The following LRFN5 variants were observed in gnomAD, a reference collection of about 807,000 sequenced individuals.
LRFN5 encodes the protein leucine rich repeat and fibronectin type III domain containing 5.
A neutral mutation model predicts 45.6 loss-of-function variants in LRFN5; 24 were observed. The ratio of observed to expected loss-of-function variants is 0.53; its 90% CI spans 0.38 to 0.74. LRFN5 has a LOEUF of 0.74. Ranked by LOEUF, LRFN5 falls within the 30% of genes least tolerant of loss-of-function variation. The probability of loss-of-function intolerance (pLI) is 0.00; values close to 1 mark genes in which losing one functional copy is unlikely to be tolerated. For synonymous variants in LRFN5, 340 were observed against 313.8 expected (o/e 1.08, Z -0.88); for missense variants, 776 against 861.5 (o/e 0.90, Z 1.24).
At chr14:41,665,146 A>G (rs971709809) in intron 1 of LRFN5, among the ~76,000 whole-genome samples, 14 of 150,774 alleles carry the variant, frequency 9.3e-5, no homozygotes, top group African/African-American at 3.2e-4. Flanking sequence ...TTGTTTTTAG[A>G]AAAAAAAATG....
At chr14:41,737,160 A>G (rs1434232541) in intron 1 of LRFN5, among the ~76,000 whole-genome samples, 1 of 152,172 alleles carries the variant, frequency 6.6e-6, no homozygotes, top group Non-Finnish European at 1.5e-5. Flanking sequence ...ACCACGATCA[A>G]GTTGGCTTTA....
At chr14:41,787,499 C>A (rs1445750552) in intron 2 of LRFN5, among the ~76,000 whole-genome samples, 1 of 130,462 alleles carries the variant, frequency 7.7e-6, no homozygotes. Flanking sequence ...AAATATATAG[C>A]ACTTTTTTTG....
intron 1 of LRFN5, among the ~76,000 whole-genome samples, chr14:41,766,353 T>C (rs1885883245): frequency 6.6e-6 from 1 of 152,172 alleles, no homozygotes; most frequent in Non-Finnish European, 1.5e-5. Context: ...ATTTCTTTCA[T>C]AGACATATAG....
chr14:41,825,745 TGG>T (rs1386275716), intron 2 of LRFN5, among the ~76,000 whole-genome samples: 3 of 152,056 alleles, frequency 2.0e-5, no homozygotes, highest in Non-Finnish European at 4.4e-5. Context: ...AGCCTTGGTT[TGG>T]GGGGAGGGTG....
At chr14:41,752,585 T>A (rs1885184107) in intron 1 of LRFN5, among the ~76,000 whole-genome samples, 1 of 152,246 alleles carries the variant, frequency 6.6e-6, no homozygotes, top group Non-Finnish European at 1.5e-5. Flanking sequence ...TCTGTTCATA[T>A]CCTTTGCCCA....
chr14:41,615,154 T>C (rs1386834260), intron 1 of LRFN5, among the ~76,000 whole-genome samples: 3 of 152,144 alleles, frequency 2.0e-5, no homozygotes, highest in Non-Finnish European at 4.4e-5. Context: ...TAAATTTTTT[T>C]TAAAGCATCT....
chr14:41,842,011 A>T (rs1220029150), intron 2 of LRFN5, among the ~76,000 whole-genome samples: 1 of 151,938 alleles, frequency 6.6e-6, no homozygotes. Context: ...CTGTGTAAAT[A>T]TGTGCTATAG....
intron 1 of LRFN5, among the ~76,000 whole-genome samples, chr14:41,655,013 T>A (rs1256517624): frequency 6.6e-6 from 1 of 152,092 alleles, no homozygotes; most frequent in African/African-American, 2.4e-5. Context: ...TGCCTGTGTC[T>A]CTTCATCTCT....
intron 2 of LRFN5, among the ~76,000 whole-genome samples, chr14:41,841,107 G>A (rs1223714007): frequency 6.6e-6 from 1 of 151,430 alleles, no homozygotes; most frequent in African/African-American, 2.4e-5. Context: ...TTCTACAATA[G>A]CAATCATTTA....
intron 1 of LRFN5, among the ~76,000 whole-genome samples, chr14:41,731,112 TA>T (rs1176184724): frequency 6.6e-6 from 1 of 152,060 alleles, no homozygotes; most frequent in Non-Finnish European, 1.5e-5. Flanking sequence ...ACAACAACAA[TA>T]AAAAAGTGTG....
At chr14:41,661,652 A>G (rs967658734) in intron 1 of LRFN5, among the ~76,000 whole-genome samples, 1 of 152,062 alleles carries the variant, frequency 6.6e-6, no homozygotes, top group Non-Finnish European at 1.5e-5. Flanking sequence ...AAGAAAATCA[A>G]TCACTTATCG....
chr14:41,730,593 A>T (rs924460047), intron 1 of LRFN5, among the ~76,000 whole-genome samples: 2 of 151,928 alleles, frequency 1.3e-5, no homozygotes, highest in Non-Finnish European at 2.9e-5. Context: ...GGCATAGATA[A>T]TATCAGTTTT....
At chr14:41,622,654 A>G (rs1389808591) in intron 1 of LRFN5, among the ~76,000 whole-genome samples, 1 of 152,128 alleles carries the variant, frequency 6.6e-6, no homozygotes, top group Non-Finnish European at 1.5e-5. Context: ...AATGAAATAA[A>G]ATATAGTAAA....
chr14:41,886,001 A>G (rs1031794026), intron 2 of LRFN5, among the ~76,000 whole-genome samples: 2 of 146,376 alleles, frequency 1.4e-5, no homozygotes, highest in East Asian at 4.0e-4. Context: ...AGCCTGGGCA[A>G]CAAAGCAAGG....
At chr14:41,617,936 G>A (rs1887979506) in intron 1 of LRFN5, among the ~76,000 whole-genome samples, 2 of 152,082 alleles carry the variant, frequency 1.3e-5, no homozygotes, top group South Asian at 4.1e-4. Context: ...GTCTCATCAT[G>A]TTCTACCTTC....
At chr14:41,834,031 C>T (rs911779284) in intron 2 of LRFN5, among the ~76,000 whole-genome samples, 4 of 152,104 alleles carry the variant, frequency 2.6e-5, no homozygotes, top group Non-Finnish European at 5.9e-5. Context: ...TCCTGCTTTC[C>T]AGGGAAAGCA....
At chr14:41,898,753 A>G (rs1891016630) in intron 4 of LRFN5, among the ~76,000 whole-genome samples, 164 bp from the exon 5 acceptor site, 2 of 152,044 alleles carry the variant, frequency 1.3e-5, no homozygotes, top group Admixed American at 6.6e-5. Context: ...ATAAAAGTCA[A>G]TTGCAATTAA....
intron 1 of LRFN5, among the ~76,000 whole-genome samples, chr14:41,650,280 A>T (rs1594581958): frequency 1.1e-5 from 1 of 93,006 alleles, no homozygotes; most frequent in Non-Finnish European, 2.4e-5. Flanking sequence ...AAAAAAAAAG[A>T]TACTTGCAAC....
At chr14:41,627,176 T>A (rs1289113130) in intron 1 of LRFN5, among the ~76,000 whole-genome samples, 2 of 151,994 alleles carry the variant, frequency 1.3e-5, no homozygotes, top group Non-Finnish European at 2.9e-5. Context: ...AATTCATCTT[T>A]TTAGCGTGTA....
Sources: gnomAD v4.1 joint callset for allele counts (sites outside exome capture counted in the v4.1 genomes callset) on GRCh38, gnomAD v4.1.1 for gene constraint, MANE v1.5 for transcripts, NCBI Gene and HGNC (gene_info 2026-07-23, HGNC 2026-07-21) for gene names.